The following MTHFD1L variants were observed in gnomAD, a reference collection of about 807,000 sequenced individuals.
MTHFD1L encodes the protein monofunctional C1-tetrahydrofolate synthase, mitochondrial.
In MTHFD1L, 81 loss-of-function variants were observed where a neutral mutation model predicts 119.5. That is an observed-to-expected ratio of 0.68 (90% CI 0.57 to 0.82). The LOEUF (loss-of-function observed/expected upper bound fraction) is 0.82, where lower values mean the gene tolerates loss of function less well. MTHFD1L is among the 40% of genes least tolerant of loss of function. MTHFD1L has a pLI of 0.00. For synonymous variants in MTHFD1L, 430 were observed against 475.2 expected (o/e 0.90, Z 1.24); for missense variants, 1,125 against 1,253.4 (o/e 0.90, Z 1.55).
chr6:150,955,141 A>G (rs1348330044), intron 16 of MTHFD1L, among the ~76,000 whole-genome samples: 1 of 152,274 alleles, frequency 6.6e-6, no homozygotes, highest in East Asian at 1.9e-4. Context: ...GAACCTTTTC[A>G]TTATCCCCAA....
At chr6:151,090,175 G>A (rs946056368) in intron 26 of MTHFD1L, among the ~76,000 whole-genome samples, 1 of 152,240 alleles carries the variant, frequency 6.6e-6, no homozygotes, top group Non-Finnish European at 1.5e-5. Context: ...AGGGAAGGGG[G>A]TGTTAATGAG....
chr6:151,092,815 G>A (rs1038111019), intron 27 of MTHFD1L, among the ~76,000 whole-genome samples: 8 of 152,122 alleles, frequency 5.3e-5, no homozygotes, highest in African/African-American at 1.2e-4. Context: ...TCCTGCGCTC[G>A]AGTCCAGTGA....
chr6:151,000,229 C>T (rs1414215654), intron 20 of MTHFD1L, among the ~76,000 whole-genome samples: 3 of 150,954 alleles, frequency 2.0e-5, no homozygotes, highest in Non-Finnish European at 4.4e-5. Context: ...CCCAGCTACT[C>T]GGGAGGCTGA....
chr6:151,049,065 C>A (rs879690781), intron 26 of MTHFD1L, among the ~76,000 whole-genome samples: 1 of 152,286 alleles, frequency 6.6e-6, no homozygotes, highest in African/African-American at 2.4e-5. Flanking sequence ...GGCTAAAAAC[C>A]GCATTCACAG....
chr6:151,076,407 T>C (rs1444375539), intron 26 of MTHFD1L, among the ~76,000 whole-genome samples: 6 of 152,054 alleles, frequency 3.9e-5, no homozygotes, highest in Admixed American at 3.9e-4. Flanking sequence ...TGCATCACTT[T>C]GGGAGGCTGA....
chr6:151,068,420 C>T (rs567872003), intron 26 of MTHFD1L, among the ~76,000 whole-genome samples: 6 of 152,338 alleles, frequency 3.9e-5, no homozygotes, highest in African/African-American at 7.2e-5. Context: ...TAGTTAATAA[C>T]GCTGCCAGGT....
intron 8 of MTHFD1L, among the ~76,000 whole-genome samples, 179 bp downstream of exon 8, chr6:150,905,940 C>T (rs1043376206): frequency 6.6e-6 from 1 of 152,118 alleles, no homozygotes; most frequent in East Asian, 1.9e-4. Context: ...CAAAGAGAGA[C>T]CAAGATGGCG....
chr6:150,998,838 AC>A (rs1339549220), intron 20 of MTHFD1L, among the ~76,000 whole-genome samples: 19 of 145,886 alleles, frequency 1.3e-4, no homozygotes, highest in South Asian at 4.4e-4. Flanking sequence ...AAAAAAAAAA[AC>A]ATTAGCTGGG....
In MTHFD1L at chr6:151,015,585, C is replaced by T; in HGVS notation, c.2478C>T (p.Val826=). 1.2e-6 allele frequency: 2 copies of T among 1,614,178 alleles called. No individual in the cohort carries two copies. Among genetic ancestry groups the T allele is most frequent in the Non-Finnish European group, 1.7e-6 (2 of 1,180,036 alleles). Residue 826 remains valine (V), a synonymous_variant, in exon 24 of 28, where the codon GTC becomes GTT. Coordinates refer to ENST00000367321, the MANE Select transcript of MTHFD1L (RefSeq NM_015440.5). ...LAKRAGAFDA[V]PCYHWSVGGK... ...AGCGGGCTGGTGCCTTTGATGCAGT[C>T]CCCTGCTATCACTGGTCCGTTGGTG...
chr6:151,034,215 T>G (rs1248566623), intron 24 of MTHFD1L, among the ~76,000 whole-genome samples: 1 of 151,696 alleles, frequency 6.6e-6, no homozygotes, highest in Non-Finnish European at 1.5e-5. Flanking sequence ...AATGCTACAA[T>G]GGATAAAAAT....
At chr6:151,052,743 C>G (rs1789257171) in intron 26 of MTHFD1L, among the ~76,000 whole-genome samples, 1 of 152,170 alleles carries the variant, frequency 6.6e-6, no homozygotes. Context: ...AATGATGGTC[C>G]CCTCTTACAT....
intron 20 of MTHFD1L, among the ~76,000 whole-genome samples, chr6:150,994,500 G>A (rs1250298268): frequency 1.5e-5 from 1 of 65,180 alleles, no homozygotes; most frequent in Non-Finnish European, 2.6e-5. Context: ...AGTTAATCCC[G>A]TCATCTGTGT....
At chr6:151,101,466 C>T (rs1795364409) in intron 27 of MTHFD1L, 60 bp from the exon 28 acceptor site, 1 of 152,576 alleles carries the variant, frequency 6.6e-6, no homozygotes, top group South Asian at 2.1e-4. Context: ...AACGGTTTAA[C>T]ACCAGAGGAG....
rs552747641 is a variant in MTHFD1L, at chr6:151,053,401, A to G, written c.2847+16284A>G. Reference sequence around the variant, plus strand: ...AAGAGAAGTGTAATTCCCAACTACAATGCTCAAAATAATAGAGAGTTTTTA... The same window carrying G: ...AAGAGAAGTGTAATTCCCAACTACAGTGCTCAAAATAATAGAGAGTTTTTA... On this transcript the variant is annotated intron_variant, in intron 26 of 27. Transcript: ENST00000367321. Among the ~76,000 whole-genome samples, 7 of 152,324 alleles carry G rather than the reference A, an allele frequency of 4.6e-5. No homozygotes were observed. In the South Asian group the frequency reaches 1.0e-3, roughly 23 times the overall value.
intron 20 of MTHFD1L, chr6:150,985,307 C>G (rs1778124804): frequency 6.6e-6 from 1 of 152,102 alleles, no homozygotes; most frequent in Non-Finnish European, 1.5e-5. Flanking sequence ...ATGTGTTCTC[C>G]TTGTACAAAG....
At chr6:151,084,242 C>T (rs1171758758) in intron 26 of MTHFD1L, among the ~76,000 whole-genome samples, 1 of 152,166 alleles carries the variant, frequency 6.6e-6, no homozygotes, top group African/African-American at 2.4e-5. Context: ...TTCTGTCTTA[C>T]ACTGGATCAC....
rs76258204 is a variant in MTHFD1L, at chr6:151,058,115, C to T, written c.2847+20998C>T. Among the ~76,000 whole-genome samples, 460 of 152,340 alleles carry T rather than the reference C, an allele frequency of 3.0e-3. 3 individuals carry two copies. Among genetic ancestry groups the T allele is most frequent in the Middle Eastern group, 0.02 (6 of 294 alleles). On this transcript the variant is annotated intron_variant, in intron 26 of 27. Transcript: ENST00000367321. Reference sequence around the variant, plus strand: ...TTACTGCTATTCAGAGAACCTGTGGCTTATCCATGGAGGGCTTAAGCTTTG... The same window carrying T: ...TTACTGCTATTCAGAGAACCTGTGGTTTATCCATGGAGGGCTTAAGCTTTG...
chr6:151,013,678 C>A, intron 21 of MTHFD1L, 101 bp from the exon 22 acceptor site: 1 of 1,091,162 alleles, frequency 9.2e-7, no homozygotes, highest in Non-Finnish European at 1.4e-6. Flanking sequence ...CATAGAGGTA[C>A]ATTTCTAAAA....
intron 7 of MTHFD1L, among the ~76,000 whole-genome samples, chr6:150,894,823 A>C (rs189222478): frequency 2.4e-4 from 37 of 152,362 alleles, no homozygotes; most frequent in Non-Finnish European, 5.9e-5. Context: ...TGACCTTCTT[A>C]GGGTTCCACA....
Sources: gnomAD v4.1 joint callset for allele counts (sites outside exome capture counted in the v4.1 genomes callset) on GRCh38, gnomAD v4.1.1 for gene constraint, MANE v1.5 for transcripts, NCBI Gene and HGNC (gene_info 2026-07-23, HGNC 2026-07-21) for gene names.